Variants in KCNG3 observed in about 807,000 individuals in gnomAD.
The protein encoded by KCNG3 is potassium voltage-gated channel modifier subfamily G member 3.
In KCNG3, 15 loss-of-function variants were observed where a neutral mutation model predicts 29.0. The observed-to-expected ratio is 0.52, with a 90% confidence interval of 0.35 to 0.80. The LOEUF (loss-of-function observed/expected upper bound fraction) is 0.80. Ranked by LOEUF, KCNG3 falls within the 30% of genes least tolerant of loss-of-function variation. The pLI is 0.01. For missense variants in KCNG3, 512 were observed against 605.7 expected, an observed-to-expected ratio of 0.85 and a Z score of 1.62; for synonymous variants, 322 against 248.9, an observed-to-expected ratio of 1.29 and a Z score of -2.76.
the KCNG3 span, among the ~76,000 whole-genome samples, chr2:42,428,669 G>C: frequency 6.6e-6 from 1 of 152,046 alleles, no homozygotes; most frequent in Non-Finnish European, 1.5e-5. Context: ...AGGGAAAAAA[G>C]GGGGATTCAA....
At chr2:42,411,487 T>C in the KCNG3 span, among the ~76,000 whole-genome samples, 2 of 151,830 alleles carry the variant, frequency 1.3e-5, no homozygotes, top group Non-Finnish European at 1.5e-5. Flanking sequence ...TGTCTTATAT[T>C]TTTTTTTGTT....
At chr2:42,465,918 T>C (rs1203990022) in intron 1 of KCNG3, among the ~76,000 whole-genome samples, 2 of 152,150 alleles carry the variant, frequency 1.3e-5, no homozygotes, top group African/African-American at 2.4e-5. Flanking sequence ...CAATGAGACA[T>C]TACTACACTT....
chr2:42,450,462 G>A (rs1251828951), intron 1 of KCNG3, among the ~76,000 whole-genome samples: 1 of 152,170 alleles, frequency 6.6e-6, no homozygotes, highest in Non-Finnish European at 1.5e-5. Flanking sequence ...GAAAAACTGA[G>A]TACTGTTCAC....
chr2:42,396,805 G>A, the KCNG3 span, among the ~76,000 whole-genome samples: 1 of 152,144 alleles, frequency 6.6e-6, no homozygotes, highest in East Asian at 1.9e-4. Context: ...GGTAGGAGAG[G>A]TCAGGCACAT....
At chr2:42,400,855 CA>C in the KCNG3 span, among the ~76,000 whole-genome samples, 1 of 151,162 alleles carries the variant, frequency 6.6e-6, no homozygotes, top group African/African-American at 2.4e-5. Flanking sequence ...AAGTTGGAAA[CA>C]AAAAAAGAAG....
At chr2:42,459,017 T>C (rs1672947113) in intron 1 of KCNG3, among the ~76,000 whole-genome samples, 1 of 151,896 alleles carries the variant, frequency 6.6e-6, no homozygotes, top group African/African-American at 2.4e-5. Flanking sequence ...ACCAACATGG[T>C]GAAACCCCAT....
At chr2:42,440,861 G>A (rs1672458698), downstream of KCNG3, among the ~76,000 whole-genome samples, 1 of 152,134 alleles carries the variant, frequency 6.6e-6, no homozygotes, top group Non-Finnish European at 1.5e-5. Flanking sequence ...TACAAAACAA[G>A]TTACATATTA....
At chr2:42,462,213 T>C (rs996798849) in intron 1 of KCNG3, among the ~76,000 whole-genome samples, 1 of 152,190 alleles carries the variant, frequency 6.6e-6, no homozygotes, top group Non-Finnish European at 1.5e-5. Context: ...CTGGAAGCTA[T>C]TTCATACTCT....
At chr2:42,474,067 G>A (rs890097549) in intron 1 of KCNG3, among the ~76,000 whole-genome samples, 7 of 151,644 alleles carry the variant, frequency 4.6e-5, no homozygotes, top group East Asian at 1.9e-4. Flanking sequence ...CAGGAGAATC[G>A]CTTGAACCCA....
chr2:42,477,388 T>TATATACACACAC (rs1287875177), intron 1 of KCNG3, among the ~76,000 whole-genome samples: 2 of 104,768 alleles, frequency 1.9e-5, no homozygotes, highest in African/African-American at 7.9e-5. Flanking sequence ...CACATATATA[T>TATATACACACAC]ACACACACAC....
the KCNG3 span, among the ~76,000 whole-genome samples, chr2:42,391,251 A>T: frequency 6.6e-6 from 1 of 152,214 alleles, no homozygotes; most frequent in South Asian, 2.1e-4. Context: ...TCTCCTACTC[A>T]TGGAGCGCTC....
chr2:42,485,713 G>T (rs1197602961), intron 1 of KCNG3, among the ~76,000 whole-genome samples: 2 of 152,178 alleles, frequency 1.3e-5, no homozygotes, highest in Non-Finnish European at 2.9e-5. Flanking sequence ...CTCCCAAAGT[G>T]CTGGGATTAC....
intron 1 of KCNG3, chr2:42,470,213 C>T (rs950817996): frequency 1.4e-5 from 6 of 420,182 alleles, no homozygotes; most frequent in South Asian, 1.1e-4. Context: ...AAAGCGAGTC[C>T]TCCCTCCCAA....
chr2:42,423,525 T>C, the KCNG3 span, among the ~76,000 whole-genome samples: 1 of 152,182 alleles, frequency 6.6e-6, no homozygotes, highest in Non-Finnish European at 1.5e-5. Context: ...CATGCCACTT[T>C]CTCTTGCTTT....
the KCNG3 span, among the ~76,000 whole-genome samples, chr2:42,395,195 TG>T: frequency 1.3e-5 from 2 of 152,026 alleles, no homozygotes; most frequent in Non-Finnish European, 2.9e-5. Context: ...AACAATGAAC[TG>T]GAGAGGAGAC....
At chr2:42,450,407 T>C (rs1404600264) in intron 1 of KCNG3, among the ~76,000 whole-genome samples, 2 of 152,186 alleles carry the variant, frequency 1.3e-5, no homozygotes, top group African/African-American at 4.8e-5. Context: ...AAATTCCTCA[T>C]GTTTCCAAAT....
intron 1 of KCNG3, among the ~76,000 whole-genome samples, chr2:42,449,496 G>T (rs1572842714): frequency 1.4e-5 from 2 of 139,476 alleles, no homozygotes; most frequent in Admixed American, 7.1e-5. Flanking sequence ...CTGCTGTTGT[G>T]TTAAGCCACT....
chr2:42,489,729 A>G (rs1673825704), intron 1 of KCNG3, among the ~76,000 whole-genome samples: 1 of 152,212 alleles, frequency 6.6e-6, no homozygotes, highest in African/African-American at 2.4e-5. Flanking sequence ...GGAAGAAGTA[A>G]GCAGGCCAGG....
rs1673987161 is a variant in KCNG3, at chr2:42,493,712, G to C, written c.-211C>G. The C allele has an allele frequency of 2.8e-6, 1 of 363,034 alleles. No homozygotes were observed. Among genetic ancestry groups the C allele is most frequent in the East Asian group, 4.3e-5 (1 of 23,208 alleles). 22.5% of individuals were successfully genotyped at this position (363,034 alleles called of 1,614,324 possible). A position where few individuals can be genotyped will look rare whatever the true frequency, so the allele number is the denominator to read the frequency against. ...GCTAGTAGCGCGCCCTCCGCCCGGCGGTACCTGCGGGTGGCCGGGGAGTCC... is the reference window on the plus strand; with the variant it reads ...GCTAGTAGCGCGCCCTCCGCCCGGCCGTACCTGCGGGTGGCCGGGGAGTCC... On this transcript the variant is annotated 5_prime_UTR_variant, in exon 1 of 2. Coordinates refer to ENST00000306078, the MANE Select transcript of KCNG3 (RefSeq NM_133329.6).
Sources: gnomAD v4.1 joint callset for allele counts (sites outside exome capture counted in the v4.1 genomes callset) on GRCh38, gnomAD v4.1.1 for gene constraint, MANE v1.5 for transcripts, NCBI Gene and HGNC (gene_info 2026-07-23, HGNC 2026-07-21) for gene names.